CDH13: variants seen among roughly 807,000 people sequenced by gnomAD.
The protein encoded by CDH13 is cadherin-13.
In CDH13, 24 loss-of-function variants were observed where a neutral mutation model predicts 63.8. The observed-to-expected ratio is 0.38, with a 90% CI of 0.27 to 0.53. CDH13 has a LOEUF of 0.53. Ranked by LOEUF, CDH13 falls within the 20% of genes least tolerant of loss-of-function variation. The pLI, the probability that CDH13 is intolerant of heterozygous loss-of-function variation, is 0.85. For synonymous variants in CDH13, 503 were observed against 355.3 expected (o/e 1.42, Z -4.67); for missense variants, 1,049 against 903.1 (o/e 1.16, Z -2.07).
intron 5 of CDH13, among the ~76,000 whole-genome samples, chr16:83,339,603 C>A (rs897731884): frequency 6.6e-6 from 1 of 152,062 alleles, no homozygotes; most frequent in Admixed American, 6.6e-5. Flanking sequence ...GCTCAGGGCC[C>A]GGATCTGGTG....
At chr16:83,165,051 A>G (rs1206964501) in intron 4 of CDH13, among the ~76,000 whole-genome samples, 1 of 150,746 alleles carries the variant, frequency 6.6e-6, no homozygotes, top group Non-Finnish European at 1.5e-5. Context: ...CTCTGATCAC[A>G]GAAAGTGTGT....
At chr16:82,808,261 G>C (rs1451292340) in intron 1 of CDH13, among the ~76,000 whole-genome samples, 1 of 152,040 alleles carries the variant, frequency 6.6e-6, no homozygotes, top group Non-Finnish European at 1.5e-5. Context: ...ATTTGCTTTT[G>C]TTCTCTTTGA....
chr16:83,429,257 T>C (rs943782311), intron 6 of CDH13, among the ~76,000 whole-genome samples: 3 of 152,150 alleles, frequency 2.0e-5, no homozygotes, highest in African/African-American at 7.2e-5. Flanking sequence ...GAGTGGCCCA[T>C]TTTCTAAGAT....
chr16:83,524,334 C>T (rs553303209), intron 7 of CDH13, among the ~76,000 whole-genome samples: 1 of 151,980 alleles, frequency 6.6e-6, no homozygotes, highest in East Asian at 1.9e-4. Context: ...AAATGTATAA[C>T]CACATTATTA....
chr16:82,711,442 G>C (rs773173265), intron 1 of CDH13, among the ~76,000 whole-genome samples: 8 of 152,128 alleles, frequency 5.3e-5, no homozygotes, highest in South Asian at 2.1e-4. Flanking sequence ...TAAACAGCTT[G>C]GACTCTGGCC....
intron 6 of CDH13, among the ~76,000 whole-genome samples, chr16:83,383,900 C>G (rs914309984): frequency 6.6e-6 from 1 of 152,164 alleles, no homozygotes; most frequent in Non-Finnish European, 1.5e-5. Context: ...TGGAGTGTCA[C>G]TGCTGCTAGG....
intron 1 of CDH13, among the ~76,000 whole-genome samples, chr16:82,791,931 C>T (rs772595898): frequency 6.6e-5 from 10 of 152,116 alleles, no homozygotes; most frequent in South Asian, 6.2e-4. Flanking sequence ...ATCTTGGGAG[C>T]GGCCCGCCCC....
chr16:83,740,737 G>A (rs559592408), intron 10 of CDH13, among the ~76,000 whole-genome samples: 109 of 152,288 alleles, frequency 7.2e-4, no homozygotes, highest in African/African-American at 2.3e-3. Context: ...GTTCTCAGCT[G>A]TTATGGAGTC....
At chr16:82,732,171 C>T (rs1222837224) in intron 1 of CDH13, among the ~76,000 whole-genome samples, 3 of 152,172 alleles carry the variant, frequency 2.0e-5, no homozygotes, top group Non-Finnish European at 4.4e-5. Flanking sequence ...AGACTGCACG[C>T]TTCCCCAGGT....
At chr16:83,232,026 A>G (rs1054765968) in intron 5 of CDH13, among the ~76,000 whole-genome samples, 1 of 151,306 alleles carries the variant, frequency 6.6e-6, no homozygotes, top group Non-Finnish European at 1.5e-5. Context: ...ATGAGAACAC[A>G]TGGACACAAG....
chr16:83,128,884 G>T (rs1396541287), intron 4 of CDH13, among the ~76,000 whole-genome samples: 2 of 152,220 alleles, frequency 1.3e-5, no homozygotes, highest in Non-Finnish European at 2.9e-5. Flanking sequence ...CAAAGCAACT[G>T]CTTTTCTAAG....
chr16:83,498,184 AG>A (rs1413810772), intron 7 of CDH13, among the ~76,000 whole-genome samples: 1 of 152,208 alleles, frequency 6.6e-6, no homozygotes, highest in African/African-American at 2.4e-5. Context: ...AGAGGGGGCA[AG>A]GGGAGACGGA....
intron 4 of CDH13, among the ~76,000 whole-genome samples, chr16:83,128,437 C>G (rs142296014): frequency 4.6e-5 from 7 of 152,314 alleles, no homozygotes; most frequent in Non-Finnish European, 7.3e-5. Context: ...GTGATGCACA[C>G]TCAAATTTAC....
intron 10 of CDH13, among the ~76,000 whole-genome samples, chr16:83,686,647 G>A (rs1346859410): frequency 6.6e-6 from 1 of 152,202 alleles, no homozygotes; most frequent in African/African-American, 2.4e-5. Flanking sequence ...TTATGGCACA[G>A]TAATTCCAAA....
intron 3 of CDH13, among the ~76,000 whole-genome samples, chr16:83,083,109 A>C (rs1176402483): frequency 6.6e-6 from 1 of 152,218 alleles, no homozygotes; most frequent in African/African-American, 2.4e-5. Flanking sequence ...ATCTTCACTA[A>C]ATGTAAAGTA....
chr16:83,138,550 A>G (rs2151670634), intron 4 of CDH13, among the ~76,000 whole-genome samples: 1 of 152,316 alleles, frequency 6.6e-6, no homozygotes, highest in African/African-American at 2.4e-5. Context: ...AGGTGAGAAT[A>G]ATTCAAAGTG....
At chr16:83,442,180 G>A (rs2072497932) in intron 6 of CDH13, among the ~76,000 whole-genome samples, 1 of 152,158 alleles carries the variant, frequency 6.6e-6, no homozygotes, top group Non-Finnish European at 1.5e-5. Flanking sequence ...TATTCACTGA[G>A]TGCCTTAATG....
At chr16:82,755,426 G>A (rs763119126) in intron 1 of CDH13, among the ~76,000 whole-genome samples, 13 of 152,214 alleles carry the variant, frequency 8.5e-5, no homozygotes, top group Non-Finnish European at 1.6e-4. Flanking sequence ...TGCACAGGAG[G>A]ATGAAGCTGA....
At chr16:83,003,164 G>A (rs1913114044) in intron 2 of CDH13, among the ~76,000 whole-genome samples, 1 of 152,154 alleles carries the variant, frequency 6.6e-6, no homozygotes, top group Admixed American at 6.5e-5. Context: ...TTGTCTGTGT[G>A]TTCAGTCCCA....
Sources: gnomAD v4.1 joint callset for allele counts (sites outside exome capture counted in the v4.1 genomes callset) on GRCh38, gnomAD v4.1.1 for gene constraint, MANE v1.5 for transcripts, NCBI Gene and HGNC (gene_info 2026-07-23, HGNC 2026-07-21) for gene names.